The following SUCLG1 variants were observed in gnomAD, a reference collection of about 807,000 sequenced individuals.
The protein encoded by SUCLG1 is succinate-CoA ligase GDP/ADP-forming subunit alpha.
A neutral mutation model predicts 37.3 loss-of-function variants in SUCLG1; 26 were observed. That is an observed-to-expected ratio of 0.70 (90% CI 0.51 to 0.97). The LOEUF (loss-of-function observed/expected upper bound fraction) is 0.97, where lower values mean the gene tolerates loss of function less well. SUCLG1 is among the 50% of genes least tolerant of loss of function. SUCLG1 has a pLI of 0.00. For missense variants in SUCLG1, 433 were observed against 432.9 expected, an observed-to-expected ratio of 1.00 and a Z score of 0.00; for synonymous variants, 163 against 155.6, an observed-to-expected ratio of 1.05 and a Z score of -0.36.
chr2:84,446,792 A>T (rs1672858945), intron 2 of SUCLG1, among the ~76,000 whole-genome samples: 1 of 152,256 alleles, frequency 6.6e-6, no homozygotes, highest in African/African-American at 2.4e-5. Flanking sequence ...TTTGTATGAC[A>T]TTGCTACAGC....
intron 7 of SUCLG1, among the ~76,000 whole-genome samples, chr2:84,427,338 T>TAGCAGTGAACTTTCTGTA (rs1279391720): frequency 1.3e-5 from 2 of 152,364 alleles, no homozygotes; most frequent in East Asian, 3.9e-4. Context: ...TCTGAAACCA[T>TAGCAGTGAACTTTCTGTA]AGCAGTGAAC....
At chr2:84,434,641 T>G (rs200676260) in intron 5 of SUCLG1, among the ~76,000 whole-genome samples, 2 of 152,212 alleles carry the variant, frequency 1.3e-5, no homozygotes, top group East Asian at 3.8e-4. Flanking sequence ...AACTCCTGCC[T>G]TGGAGCAACT....
At chr2:84,440,341 C>G (rs1295134238) in intron 5 of SUCLG1, among the ~76,000 whole-genome samples, 1 of 152,168 alleles carries the variant, frequency 6.6e-6, no homozygotes, top group Non-Finnish European at 1.5e-5. Flanking sequence ...CCATTGCACT[C>G]CAGCCTGGGC....
In SUCLG1 at chr2:84,423,696, T is replaced by G; in HGVS notation, c.*50A>C. 1 of 1,559,430 alleles carries G rather than the reference T, an allele frequency of 6.4e-7. No individual in the cohort carries two copies. Reference sequence around the variant, plus strand: ...ACAACAGAAGCAAACTGCTGCTGGGTTACATGTCTACGTGATCCATTCCAC... The same window carrying G: ...ACAACAGAAGCAAACTGCTGCTGGGGTACATGTCTACGTGATCCATTCCAC... On this transcript the variant is annotated 3_prime_UTR_variant, in exon 9 of 9. Coordinates refer to ENST00000393868, the MANE Select transcript of SUCLG1 (RefSeq NM_003849.4).
intron 5 of SUCLG1, 66 bp downstream of exon 5, chr2:84,440,981 T>C: frequency 6.6e-7 from 1 of 1,523,360 alleles, no homozygotes; most frequent in East Asian, 2.3e-5. Context: ...CAAAAATTCT[T>C]TGTGAGTTTT....
rs778895568 is a variant in SUCLG1, at chr2:84,423,778, G to A, written c.1015-6C>T. 5 of 1,605,284 alleles carry A rather than the reference G, an allele frequency of 3.1e-6. No homozygotes were observed. The highest frequency in any genetic ancestry group is 4.3e-6 in the Non-Finnish European group (5 of 1,175,512). On this transcript the variant is annotated splice_region_variant and splice_polypyrimidine_tract_variant and intron_variant, in intron 8 of 8. Coordinates refer to ENST00000393868, the MANE Select transcript of SUCLG1 (RefSeq NM_003849.4). Reference sequence around the variant, plus strand: ...ATCTTCCTCTTTTCAAATTCCTTCAGAAACAGAAGAGAGAGAGAAGAGAGA... The same window carrying A: ...ATCTTCCTCTTTTCAAATTCCTTCAAAAACAGAAGAGAGAGAGAAGAGAGA...
At chr2:84,458,531 T>C (rs1308346367) in intron 1 of SUCLG1, 2 of 152,184 alleles carry the variant, frequency 1.3e-5, no homozygotes, top group African/African-American at 4.8e-5. Context: ...CCTTGGGTAC[T>C]AAGTTTTCGG....
chr2:84,457,635 A>C (rs1174503221), intron 1 of SUCLG1, among the ~76,000 whole-genome samples: 2 of 152,182 alleles, frequency 1.3e-5, no homozygotes, highest in African/African-American at 4.8e-5. Flanking sequence ...AGACCACAGA[A>C]GCGAAAGACA....
chr2:84,446,637 T>C (rs894142733), intron 2 of SUCLG1, among the ~76,000 whole-genome samples: 2 of 151,882 alleles, frequency 1.3e-5, no homozygotes, highest in African/African-American at 4.8e-5. Flanking sequence ...ATTCAAAGTA[T>C]AGTTTGGAGA....
At position 84,423,736 on chromosome 2, in the gene SUCLG1, T is replaced by C. The variant is rs1462715622; in HGVS notation, c.*10A>G. ...ATCCATTCCACAGTTTTAGGAATTT[T>C]TTTTTTCTTTCATAGCATCTTCCTC... On this transcript the variant is annotated 3_prime_UTR_variant, in exon 9 of 9. Coordinates refer to ENST00000393868, the MANE Select transcript of SUCLG1 (RefSeq NM_003849.4). 8 of 1,601,546 alleles carry C rather than the reference T, an allele frequency of 5.0e-6. No homozygotes were observed. The highest frequency in any genetic ancestry group is 6.8e-6 in the Non-Finnish European group (8 of 1,171,884).
In SUCLG1 at chr2:84,441,253, G is replaced by A. The variant is rs1672768105; in HGVS notation, c.525C>T (p.Val175=). 1 of 1,614,048 alleles carries A rather than the reference G, an allele frequency of 6.2e-7. No individual in the cohort carries two copies. The highest frequency in any genetic ancestry group is 8.5e-7 in the Non-Finnish European group (1 of 1,180,020). The change falls in exon 4 of 9, where the codon GTC becomes GTT. Residue 175 remains valine, a synonymous_variant. Coordinates refer to ENST00000393868, the MANE Select transcript of SUCLG1 (RefSeq NM_003849.4). ...TRLIGPNCPG[V]INPGECKIGI... Reference sequence around the variant, plus strand: ...TTTGTTTTTTTGCACTCACATTGATGACTCCAGGGCAGTTGGGCCCAATTA... The same window carrying A: ...TTTGTTTTTTTGCACTCACATTGATAACTCCAGGGCAGTTGGGCCCAATTA...
chr2:84,438,813 G>A (rs145663764), intron 5 of SUCLG1, among the ~76,000 whole-genome samples: 1,705 of 152,268 alleles, frequency 0.011, 28 homozygotes, highest in African/African-American at 0.039. Context: ...ACCAATCAGC[G>A]CTCTGTAGCT....
rs1391281094 is a variant in SUCLG1 at position 84,441,410 on chromosome 2, G to C, written c.368C>G (p.Pro123Arg). 12 of 1,614,046 alleles carry C rather than the reference G, an allele frequency of 7.4e-6. No homozygotes were observed. In the Admixed American group the frequency reaches 2.0e-4, roughly 27 times the overall value. The stretch of plus-strand genomic sequence containing the variant: ...TTCATTAATGGCAGCAGCAGCAAAA[G>C]GCGGAGGAACATAAATGACAGAAGC... The part of the protein sequence containing the change: ...ATASVIYVPP[P>R]FAAAAINEAI... Residue 123 changes from proline to arginine, a missense_variant, in exon 4 of 9, where the codon CCT (proline) becomes CGT (arginine). By Grantham distance (103) the Pro-to-Arg change is moderately radical. Transcript: ENST00000393868.
intron 2 of SUCLG1, 55 bp from the exon 3 acceptor site, chr2:84,443,455 G>A (rs1672805402): frequency 3.4e-6 from 5 of 1,491,068 alleles, no homozygotes; most frequent in African/African-American, 1.4e-5. Flanking sequence ...AAGCCCAAGA[G>A]AAGCAAAAGC....
chr2:84,459,238 A>G lies in SUCLG1; in HGVS notation c.32T>C (p.Ile11Thr), dbSNP rs1553395475. ...GCTGCTGCCGGAGACCATGGTAGCG[A>G]TGTCAGCGGCAGCGGCAAGGGTTGC... MTATLAAAAD[I>T]ATMVSGSSGL... The change falls in exon 1 of 9, where the codon ATC becomes ACC. Residue 11 changes from isoleucine to threonine, a missense_variant. By Grantham distance (89) the Ile-to-Thr change is moderately conservative. Transcript: ENST00000393868. The G allele has an allele frequency of 1.9e-6, 3 of 1,550,536 alleles. No homozygotes were observed. The highest frequency in any genetic ancestry group is 3.3e-4 in the Middle Eastern group (2 of 5,992).
chr2:84,446,658 T>G (rs1672857206), intron 2 of SUCLG1, among the ~76,000 whole-genome samples: 1 of 151,676 alleles, frequency 6.6e-6, no homozygotes, highest in Non-Finnish European at 1.5e-5. Context: ...CTCTTGCTGC[T>G]CTGCAATGAG....
chr2:84,430,778 T>C (rs1244636794), intron 7 of SUCLG1, among the ~76,000 whole-genome samples: 1 of 152,188 alleles, frequency 6.6e-6, no homozygotes, highest in African/African-American at 2.4e-5. Context: ...AATCAGTTGC[T>C]TGATTTTTTT....
At chr2:84,448,170 G>GGAAAAAAAAAAAAA (rs1485985544) in intron 2 of SUCLG1, among the ~76,000 whole-genome samples, 1 of 137,716 alleles carries the variant, frequency 7.3e-6, no homozygotes, top group African/African-American at 2.7e-5. Context: ...AGTTATTTCA[G>GGAAAAAAAAAAAAA]AAAAAAAAAA....
intron 7 of SUCLG1, chr2:84,426,689 T>A (rs1433804171): frequency 6.6e-6 from 1 of 151,654 alleles, no homozygotes; most frequent in Non-Finnish European, 1.5e-5. Context: ...TACCATAAAC[T>A]AATATATGAA....
Sources: allele counts gnomAD v4.1 joint callset (sites outside exome capture counted in the v4.1 genomes callset), GRCh38; gene constraint gnomAD v4.1.1; transcripts MANE v1.5; gene names NCBI Gene and HGNC (gene_info 2026-07-23, HGNC 2026-07-21).